The following THSD8 variants were observed in gnomAD, a reference collection of about 807,000 sequenced individuals.
THSD8 encodes thrombospondin type 1 domain containing 8, also known as thrombospondin type-1 domain-containing protein 8.
Position 12,804,311 on chromosome 19 carries a change from TGA to T in THSD8, c.*14_*15del. On this transcript the variant is annotated 3_prime_UTR_variant, in exon 2 of 2. Transcript: ENST00000639810. The stretch of plus-strand genomic sequence containing the variant: ...TGCGACTGGAGGCTCTGAGCCCGGG[TGA>T]GAGAGCAGGGCCGGGGCAAGTTGCG... 1 of 397,996 alleles carries T rather than the reference TGA, an allele frequency of 2.5e-6. No homozygotes were observed. Among genetic ancestry groups the T allele is most frequent in the Non-Finnish European group, 4.4e-6 (1 of 225,968 alleles). 24.7% of individuals were successfully genotyped at this position (397,996 alleles called of 1,614,324 possible). A position where few individuals can be genotyped will look rare whatever the true frequency, so the allele number is the denominator to read the frequency against.
intron 1 of THSD8, 44 bp from the exon 2 acceptor site, chr19:12,804,060 A>C: frequency 2.5e-6 from 1 of 396,866 alleles, no homozygotes; most frequent in East Asian, 3.6e-5. Context: ...GATTGGGAGT[A>C]GGCCCCCTCC....
chr19:12,803,744 C>CTGCAAAAAA (rs1179205372), intron 1 of THSD8, among the ~76,000 whole-genome samples: 3 of 151,666 alleles, frequency 2.0e-5, no homozygotes, highest in Non-Finnish European at 4.4e-5. Flanking sequence ...AACACCGTCT[C>CTGCAAAAAA]TGCAAAAAAT....
chr19:12,803,379 C>T (rs947950266), intron 1 of THSD8, among the ~76,000 whole-genome samples: 9 of 152,184 alleles, frequency 5.9e-5, no homozygotes, highest in Non-Finnish European at 1.0e-4. Flanking sequence ...CTTGACAACC[C>T]TGCTGTCAGG....
chr19:12,803,103 A>G (rs940265672), intron 1 of THSD8, among the ~76,000 whole-genome samples: 1 of 152,130 alleles, frequency 6.6e-6, no homozygotes, highest in Non-Finnish European at 1.5e-5. Flanking sequence ...AATAAAAAAT[A>G]AATTAGCCTG....
At chr19:12,803,603 G>C (rs1968936134) in intron 1 of THSD8, among the ~76,000 whole-genome samples, 1 of 152,028 alleles carries the variant, frequency 6.6e-6, no homozygotes, top group African/African-American at 2.4e-5. Context: ...CCCCACCTGA[G>C]ACTCGTGGAA....
rs1209236512 is a variant in THSD8 at position 12,804,153 on chromosome 19, C to A, written c.198C>A (p.Cys66Ter). The change falls in exon 2 of 2, where the codon TGC becomes TGA. Residue 66 changes from cysteine to a stop codon, truncating the protein, a stop_gained. Coordinates refer to ENST00000639810, the MANE Select transcript of THSD8 (RefSeq NM_001386800.1). LOFTEE classifies it low-confidence loss of function (END_TRUNC). Reference sequence around the variant, plus strand: ...CGTGGGGAAAGTGGCGGTGTCTCTGCGACCTGGGCAAGCAGGAGCGCAGCC... The same window carrying A: ...CGTGGGGAAAGTGGCGGTGTCTCTGAGACCTGGGCAAGCAGGAGCGCAGCC... ...LGPWGKWRCLCDLGKQERSRE... is the reference protein window; with the variant it reads ...LGPWGKWRCL 2.5e-6 allele frequency: 1 copy of A among 398,426 alleles called. No individual in the cohort carries two copies. The highest frequency in any genetic ancestry group is 4.4e-6 in the Non-Finnish European group (1 of 226,090). The allele number at this position is 398,426 out of a possible 1,614,324, so 24.7% of individuals were successfully genotyped here. A position where few individuals can be genotyped will look rare whatever the true frequency, so the allele number is the denominator to read the frequency against.
chr19:12,804,166 C>A lies in THSD8; in HGVS notation c.211C>A (p.Gln71Lys), dbSNP rs1968946393. ...GCGGTGTCTCTGCGACCTGGGCAAG[C>A]AGGAGCGCAGCCGCGAGGTAGTGGG... ...KWRCLCDLGK[Q>K]ERSREVVGTA... Residue 71 changes from glutamine (Q) to lysine (K), a missense_variant, in exon 2 of 2, where the codon CAG becomes AAG. By Grantham distance (53) the Gln-to-Lys change is moderately conservative. Coordinates refer to ENST00000639810, the MANE Select transcript of THSD8 (RefSeq NM_001386800.1). 1 of 398,546 alleles carries A rather than the reference C, an allele frequency of 2.5e-6. No individual in the cohort carries two copies. Among genetic ancestry groups the A allele is most frequent in the Non-Finnish European group, 4.4e-6 (1 of 226,078 alleles). The allele number at this position is 398,546 out of a possible 1,614,324, so 24.7% of individuals were successfully genotyped here.
intron 1 of THSD8, among the ~76,000 whole-genome samples, chr19:12,803,812 C>T (rs972691323): frequency 4.8e-5 from 7 of 145,012 alleles, no homozygotes; most frequent in Non-Finnish European, 8.9e-5. Context: ...CTTGGTAGGC[C>T]GAGGTAGGAG....
intron 1 of THSD8, 146 bp downstream of exon 1, chr19:12,802,365 C>T: frequency 2.5e-6 from 1 of 396,684 alleles, no homozygotes; most frequent in Non-Finnish European, 4.4e-6. Flanking sequence ...GGTTACTTTT[C>T]TCTAAGGCTC....
Position 12,802,237 on chromosome 19 carries a change from G to T in THSD8, c.148+18G>T. On this transcript the variant is annotated intron_variant, in intron 1 of 1. Coordinates refer to ENST00000639810, the MANE Select transcript of THSD8 (RefSeq NM_001386800.1). ...TCTAAAGGGTAACCTCAGGCGGCGG[G>T]GATGACGATGCCCAAAGGCTCCCCG... is the stretch of plus-strand genomic sequence containing the variant. The T allele has an allele frequency of 2.5e-6, 1 of 398,646 alleles. No individual in the cohort carries two copies. Among genetic ancestry groups the T allele is most frequent in the South Asian group, 1.3e-4 (1 of 7,842 alleles). 24.7% of individuals were successfully genotyped at this position (398,646 alleles called of 1,614,324 possible).
chr19:12,804,310 G>A lies in THSD8; in HGVS notation c.*7G>A. ...CTGCGACTGGAGGCTCTGAGCCCGGGTGAGAGAGCAGGGCCGGGGCAAGTT... is the reference window on the plus strand; with the variant it reads ...CTGCGACTGGAGGCTCTGAGCCCGGATGAGAGAGCAGGGCCGGGGCAAGTT... On this transcript the variant is annotated 3_prime_UTR_variant, in exon 2 of 2. Coordinates refer to ENST00000639810, the MANE Select transcript of THSD8 (RefSeq NM_001386800.1). The A allele has an allele frequency of 2.5e-6, 1 of 398,668 alleles. No individual in the cohort carries two copies. The highest frequency in any genetic ancestry group is 3.6e-5 in the East Asian group (1 of 28,070). 24.7% of individuals were successfully genotyped at this position (398,668 alleles called of 1,614,324 possible).
chr19:12,803,171 T>G (rs1344579110), intron 1 of THSD8, among the ~76,000 whole-genome samples: 1 of 152,102 alleles, frequency 6.6e-6, no homozygotes, highest in Non-Finnish European at 1.5e-5. Flanking sequence ...AGGAGGACCA[T>G]TTGTGCCAAG....
At chr19:12,803,165 G>A (rs1474935525) in intron 1 of THSD8, among the ~76,000 whole-genome samples, 2 of 152,200 alleles carry the variant, frequency 1.3e-5, no homozygotes, top group Non-Finnish European at 2.9e-5. Flanking sequence ...TGATACAGGA[G>A]GACCATTTGT....
chr19:12,803,911 C>CAAAAAAAAAAAAAAAA (rs761806696), intron 1 of THSD8, among the ~76,000 whole-genome samples, 193 bp from the exon 2 acceptor site: 10 of 34,868 alleles, frequency 2.9e-4, no homozygotes, highest in African/African-American at 6.9e-4. Flanking sequence ...GACCCTGTCT[C>CAAAAAAAAAAAAAAAA]AAAAAAAAAA....
intron 1 of THSD8, among the ~76,000 whole-genome samples, chr19:12,803,639 G>T (rs1968936884): frequency 6.6e-6 from 1 of 152,044 alleles, no homozygotes; most frequent in Non-Finnish European, 1.5e-5. Flanking sequence ...AGGCATGGTG[G>T]CTGGCTCACA....
chr19:12,804,187 G>A lies in THSD8; in HGVS notation c.232G>A (p.Val78Met). Residue 78 changes from valine (V) to methionine (M), a missense_variant, in exon 2 of 2, where the codon GTG (valine) becomes ATG (methionine). Transcript: ENST00000639810. ...LGKQERSREV[V>M]GTAPGPVFMD... ...CAAGCAGGAGCGCAGCCGCGAGGTA[G>A]TGGGCACAGCGCCGGGCCCGGTTTT... 2 of 398,678 alleles carry A rather than the reference G, an allele frequency of 5.0e-6. No individual in the cohort carries two copies. Among genetic ancestry groups the A allele is most frequent in the Non-Finnish European group, 8.8e-6 (2 of 226,118 alleles). 24.7% of individuals were successfully genotyped at this position (398,678 alleles called of 1,614,324 possible). A position where few individuals can be genotyped will look rare whatever the true frequency, so the allele number is the denominator to read the frequency against.
chr19:12,804,192 C>T lies in THSD8; in HGVS notation c.237C>T (p.Gly79=). The change falls in exon 2 of 2, where the codon GGC becomes GGT. Residue 79 remains glycine, a synonymous_variant. Coordinates refer to ENST00000639810, the MANE Select transcript of THSD8 (RefSeq NM_001386800.1). ...AGGAGCGCAGCCGCGAGGTAGTGGG[C>T]ACAGCGCCGGGCCCGGTTTTCATGG... ...GKQERSREVV[G]TAPGPVFMDP... The T allele has an allele frequency of 5.0e-6, 2 of 398,614 alleles. No individual in the cohort carries two copies. Among genetic ancestry groups the T allele is most frequent in the Non-Finnish European group, 8.8e-6 (2 of 226,106 alleles). The allele number at this position is 398,614 out of a possible 1,614,324, so 24.7% of individuals were successfully genotyped here.
intron 1 of THSD8, 63 bp from the exon 2 acceptor site, chr19:12,804,041 G>C: frequency 5.0e-6 from 2 of 397,602 alleles, no homozygotes; most frequent in Non-Finnish European, 8.9e-6. Context: ...CTCCCTCTCT[G>C]GGGGAGGGGA....
Position 12,804,326 on chromosome 19 carries a change from G to C in THSD8, c.*23G>C, listed in dbSNP as rs1036193993. 5 of 398,496 alleles carry C rather than the reference G, an allele frequency of 1.3e-5. No individual in the cohort carries two copies. Among genetic ancestry groups the C allele is most frequent in the South Asian group, 1.3e-4 (1 of 7,866 alleles). 24.7% of individuals were successfully genotyped at this position (398,496 alleles called of 1,614,324 possible). A position where few individuals can be genotyped will look rare whatever the true frequency, so the allele number is the denominator to read the frequency against. ...TGAGCCCGGGTGAGAGAGCAGGGCCGGGGCAAGTTGCGGGGCCCAGGGTGG... is the reference window on the plus strand; with the variant it reads ...TGAGCCCGGGTGAGAGAGCAGGGCCCGGGCAAGTTGCGGGGCCCAGGGTGG... On this transcript the variant is annotated 3_prime_UTR_variant, in exon 2 of 2. Coordinates refer to ENST00000639810, the MANE Select transcript of THSD8 (RefSeq NM_001386800.1).
Sources: allele counts gnomAD v4.1 joint callset (sites outside exome capture counted in the v4.1 genomes callset), GRCh38; gene constraint gnomAD v4.1.1; transcripts MANE v1.5; gene names NCBI Gene and HGNC (gene_info 2026-07-23, HGNC 2026-07-21).